ADGRF5: variants seen among roughly 807,000 people sequenced by gnomAD.
The protein encoded by ADGRF5 is G-protein coupled receptor 116.
A neutral mutation model predicts 132.3 loss-of-function variants in ADGRF5; 75 were observed. The observed-to-expected ratio is 0.57, with a 90% CI of 0.47 to 0.69. The LOEUF (loss-of-function observed/expected upper bound fraction) is 0.69, where lower values mean the gene tolerates loss of function less well. Ranked by LOEUF, ADGRF5 falls within the 30% of genes least tolerant of loss-of-function variation. The pLI is 0.00. For missense variants in ADGRF5, 1,516 were observed against 1,630.6 expected, an observed-to-expected ratio of 0.93 and a Z score of 1.21; for synonymous variants, 629 against 597.6, an observed-to-expected ratio of 1.05 and a Z score of -0.77.
chr6:46,940,638 C>A (rs1778013255), intron 1 of ADGRF5, among the ~76,000 whole-genome samples: 1 of 152,168 alleles, frequency 6.6e-6, no homozygotes, highest in African/African-American at 2.4e-5. Flanking sequence ...AGCTCTGAAG[C>A]CCTCTAAAGA....
intron 15 of ADGRF5, among the ~76,000 whole-genome samples, chr6:46,862,544 C>T (rs1046370999): frequency 7.3e-5 from 11 of 151,696 alleles, no homozygotes; most frequent in Admixed American, 5.9e-4. Flanking sequence ...TAGCAATTTT[C>T]TTGGTATCAA....
chr6:46,922,682 G>A (rs1777036718), upstream of ADGRF5, among the ~76,000 whole-genome samples: 1 of 152,162 alleles, frequency 6.6e-6, no homozygotes, highest in Admixed American at 6.5e-5. Context: ...ACACGGATGG[G>A]GAATGCTGTT....
intron 1 of ADGRF5, among the ~76,000 whole-genome samples, chr6:46,950,768 C>T (rs1175776236): frequency 1.2e-4 from 19 of 152,218 alleles, no homozygotes; most frequent in Admixed American, 1.2e-3. Context: ...TCACCTCAGC[C>T]TCCCAAAGTG....
intron 1 of ADGRF5, among the ~76,000 whole-genome samples, chr6:46,937,243 TGTGTGTGTGA>T (rs1777879241): frequency 6.6e-6 from 1 of 151,796 alleles, no homozygotes; most frequent in South Asian, 2.1e-4. Context: ...TGTGTGTGTG[TGTGTGTGTGA>T]GTGTGTGTGT....
intron 1 of ADGRF5, among the ~76,000 whole-genome samples, chr6:46,940,545 C>T (rs564145822): frequency 6.6e-6 from 1 of 152,248 alleles, no homozygotes; most frequent in Non-Finnish European, 1.5e-5. Context: ...AGACACAGAT[C>T]TCATATTTCC....
chr6:46,954,315 C>A (rs539773916), intron 1 of ADGRF5, among the ~76,000 whole-genome samples: 1 of 151,830 alleles, frequency 6.6e-6, no homozygotes, highest in South Asian at 2.1e-4. Flanking sequence ...TTAGCAAATT[C>A]TCTGTCAAAT....
rs1464715033 is a variant in ADGRF5 at position 46,940,267 on chromosome 6, T to C, written c.-25+14467A>G. On this transcript the variant is annotated intron_variant, in intron 1 of 20. Coordinates refer to the ADGRF5 transcript ENST00000265417. Reference sequence around the variant, plus strand: ...TAATTGAGCCACTTGCTATTATACTTTTCACATCGATCTTTTACTTCTAAA... The same window carrying C: ...TAATTGAGCCACTTGCTATTATACTCTTCACATCGATCTTTTACTTCTAAA... 2.0e-5 allele frequency among the ~76,000 whole-genome samples: 3 copies of C among 152,242 alleles called. No homozygotes were observed. In the East Asian group the frequency reaches 5.8e-4, roughly 29 times the overall value.
rs868043195 is a variant in ADGRF5, at chr6:46,892,211, G to C, written c.158-3706C>G. Among the ~76,000 whole-genome samples, 5 of 146,682 alleles carry C rather than the reference G, an allele frequency of 3.4e-5. No homozygotes were observed. The South Asian group carries it at 7.0e-4, about 20-fold the overall frequency. The stretch of plus-strand genomic sequence containing the variant: ...ACACACACACACACACACACACACA[G>C]AAAGAGAGAGAGAGATTTTGGAGCT... On this transcript the variant is annotated intron_variant, in intron 3 of 20. Transcript: ENST00000283296.
chr6:46,912,957 A>G (rs1776088025), intron 1 of ADGRF5, among the ~76,000 whole-genome samples: 1 of 152,234 alleles, frequency 6.6e-6, no homozygotes, highest in East Asian at 1.9e-4. Flanking sequence ...CCCCAGCAAG[A>G]CTGTGTCTTG....
chr6:46,884,846 G>A (rs981170590), intron 4 of ADGRF5, among the ~76,000 whole-genome samples: 3 of 152,162 alleles, frequency 2.0e-5, no homozygotes, highest in Admixed American at 1.3e-4. Context: ...AGGAACTGAG[G>A]TCTACAGCCA....
At chr6:46,869,918 G>T (rs1217393163) in intron 11 of ADGRF5, among the ~76,000 whole-genome samples, 1 of 151,942 alleles carries the variant, frequency 6.6e-6, no homozygotes, top group Non-Finnish European at 1.5e-5. Flanking sequence ...ACAGGTTCAT[G>T]AAAAATTACT....
intron 1 of ADGRF5, among the ~76,000 whole-genome samples, chr6:46,940,819 T>G (rs1481154568): frequency 6.6e-6 from 1 of 152,206 alleles, no homozygotes; most frequent in Non-Finnish European, 1.5e-5. Flanking sequence ...TGGGTTGGAT[T>G]TTCTTAAATT....
At chr6:46,889,391 G>A in intron 3 of ADGRF5, among the ~76,000 whole-genome samples, 1 of 146,582 alleles carries the variant, frequency 6.8e-6, no homozygotes, top group Non-Finnish European at 1.5e-5. Context: ...AGACTACATA[G>A]TCTTTGTATA....
chr6:46,895,523 C>A (rs10484842), intron 3 of ADGRF5, among the ~76,000 whole-genome samples: 11,808 of 151,146 alleles, frequency 0.078, 895 homozygotes, highest in African/African-American at 0.2. Flanking sequence ...GCTAGGCCTG[C>A]AGAAAGGGCA....
At chr6:46,902,347 C>T (rs1774865381) in intron 2 of ADGRF5, among the ~76,000 whole-genome samples, 1 of 152,224 alleles carries the variant, frequency 6.6e-6, no homozygotes, top group African/African-American at 2.4e-5. Flanking sequence ...AACTTGACCG[C>T]CAATGGTCAC....
rs147719014 is a variant in ADGRF5, at chr6:46,868,999, A to G, written c.1505T>C (p.Val502Ala). ...AATTCCAGCAGAAGTGTTCCAATAA[A>G]CCTCATCATAGTTACTCACATCACT... Reference protein sequence around the residue: ...CISDVSNYDEVYWNTSAGIKI... With the variant: ...CISDVSNYDEAYWNTSAGIKI... Residue 502 changes from valine to alanine, a missense_variant, in exon 12 of 21, where the codon GTT becomes GCT. This residue lies in a region of ADGRF5 where 945 missense variants were observed against 929.4 expected (regional missense o/e 1.02). Transcript: ENST00000283296. 166 of 1,612,948 alleles carry G rather than the reference A, an allele frequency of 1.0e-4. 1 individual carries two copies. The African/African-American group carries it at 1.8e-3, about 17-fold the overall frequency.
At chr6:46,862,822 T>C in intron 15 of ADGRF5, 66 bp downstream of exon 15, 1 of 1,024,768 alleles carries the variant, frequency 9.8e-7, no homozygotes, top group South Asian at 1.3e-5. Context: ...TCCTAAGTGC[T>C]GAGAAATATG....
At chr6:46,887,994 A>G in intron 4 of ADGRF5, 1 of 168,564 alleles carries the variant, frequency 5.9e-6, no homozygotes, top group South Asian at 1.4e-4. Context: ...AGGGAGGAGG[A>G]CACAGGGAAG....
intron 2 of ADGRF5, among the ~76,000 whole-genome samples, chr6:46,904,049 C>T (rs113589757): frequency 4.1e-4 from 63 of 152,262 alleles, no homozygotes; most frequent in Middle Eastern, 3.4e-3. Flanking sequence ...CATATATAGC[C>T]TGTAACTCTA....
Sources: gnomAD v4.1 joint callset for allele counts (sites outside exome capture counted in the v4.1 genomes callset) on GRCh38, gnomAD v4.1.1 for gene constraint, gnomAD v4.1.1 regional missense constraint, MANE v1.5 for transcripts, NCBI Gene and HGNC (gene_info 2026-07-23, HGNC 2026-07-21) for gene names.